TMEM267: variants seen among roughly 807,000 people sequenced by gnomAD.
The protein encoded by TMEM267 is transmembrane protein 267.
TMEM267 carries 20 observed loss-of-function variants against 19.3 expected under a neutral mutation model. The ratio of observed to expected loss-of-function variants is 1.04; its 90% CI spans 0.73 to 1.51. TMEM267 has a LOEUF of 1.51. Ranked by LOEUF, TMEM267 falls within the 40% of genes most tolerant of loss-of-function variation. TMEM267 has a pLI of 0.00. For missense variants in TMEM267, 242 were observed against 261.9 expected (o/e 0.92, Z 0.52); for synonymous variants, 88 against 90.3 (o/e 0.97, Z 0.15).
At position 43,453,921 on chromosome 5, in the gene TMEM267, T is replaced by G. The variant is rs770859448; in HGVS notation, c.49A>C (p.Thr17Pro). 6 of 1,613,906 alleles carry G rather than the reference T, an allele frequency of 3.7e-6. No homozygotes were observed. Among genetic ancestry groups the G allele is most frequent in the Middle Eastern group, 1.6e-4 (1 of 6,084 alleles). ...CCAAGGCTGGAAATAAGAGATTCAGTGCTACAAGTCTGCAGTAAAGCATGG... is the reference window on the plus strand; with the variant it reads ...CCAAGGCTGGAAATAAGAGATTCAGGGCTACAAGTCTGCAGTAAAGCATGG... ...KTHALLQTCS[T>P]ESLISSLGLG... The change falls in exon 2 of 3, where the codon ACT becomes CCT. Residue 17 changes from threonine to proline, a missense_variant. Thr to Pro is a conservative substitution (Grantham distance 38). Transcript: ENST00000397080.
intron 1 of TMEM267, among the ~76,000 whole-genome samples, chr5:43,480,802 T>C (rs1396202905): frequency 7.7e-6 from 1 of 130,148 alleles, no homozygotes; most frequent in East Asian, 2.1e-4. Flanking sequence ...TCTTACTTTT[T>C]TTTTTTTTTT....
rs1478971908 is a variant in TMEM267 at position 43,446,089 on chromosome 5, G to A, written c.*133C>T. 8 of 580,602 alleles carry A rather than the reference G, an allele frequency of 1.4e-5. No homozygotes were observed. The highest frequency in any genetic ancestry group is 2.4e-5 in the Non-Finnish European group (8 of 340,170). The allele number at this position is 580,602 out of a possible 1,614,324, so 36.0% of individuals were successfully genotyped here. On this transcript the variant is annotated 3_prime_UTR_variant, in exon 3 of 3. Coordinates refer to ENST00000397080, the MANE Select transcript of TMEM267 (RefSeq NM_022483.5). ...TAAAAAAGTTGTATACACTTCCTGA[G>A]CAAGAGGATTGCAGAATTATAATAA...
At chr5:43,470,916 GAAGAA>G (rs1744029659) in intron 1 of TMEM267, among the ~76,000 whole-genome samples, 1 of 151,582 alleles carries the variant, frequency 6.6e-6, no homozygotes, top group Admixed American at 6.6e-5. Context: ...AAAATTAGTA[GAAGAA>G]AAGAAATAAT....
intron 2 of TMEM267, among the ~76,000 whole-genome samples, chr5:43,448,657 T>A (rs1353211151): frequency 6.6e-6 from 1 of 151,936 alleles, no homozygotes; most frequent in East Asian, 1.9e-4. Flanking sequence ...ATGCCTGTAA[T>A]CCCAGCTAAT....
At chr5:43,481,619 C>A (rs1198199511) in intron 1 of TMEM267, among the ~76,000 whole-genome samples, 9 of 151,860 alleles carry the variant, frequency 5.9e-5, no homozygotes, top group Non-Finnish European at 1.0e-4. Context: ...GGGTATAATG[C>A]GAATGCATTT....
intron 1 of TMEM267, among the ~76,000 whole-genome samples, chr5:43,471,993 T>G (rs1429198849): frequency 6.6e-6 from 1 of 151,268 alleles, no homozygotes. Context: ...ATCAGTAAAG[T>G]GAAGAAAAAA....
At chr5:43,452,922 G>A (rs1234399626) in intron 2 of TMEM267, among the ~76,000 whole-genome samples, 9 of 152,210 alleles carry the variant, frequency 5.9e-5, no homozygotes, top group Non-Finnish European at 8.8e-5. Context: ...CTTGCTCTAT[G>A]AGTTTAGATT....
intron 1 of TMEM267, among the ~76,000 whole-genome samples, chr5:43,465,247 C>A (rs1468411365): frequency 6.6e-6 from 1 of 152,166 alleles, no homozygotes; most frequent in Admixed American, 6.5e-5. Context: ...CAAATCAAAA[C>A]CACAATGAGA....
At chr5:43,483,801 C>G (rs1308225899) in intron 1 of TMEM267, 21 bp downstream of exon 1, 1 of 152,712 alleles carries the variant, frequency 6.5e-6, no homozygotes, top group African/African-American at 2.4e-5. Flanking sequence ...CAGTCCCACG[C>G]AGCGGCTCAG....
chr5:43,480,918 T>G (rs1349445362), intron 1 of TMEM267, among the ~76,000 whole-genome samples: 1 of 145,702 alleles, frequency 6.9e-6, no homozygotes, highest in Non-Finnish European at 1.5e-5. Flanking sequence ...CTCTCCTGCC[T>G]CTCAGCCTCC....
intron 1 of TMEM267, among the ~76,000 whole-genome samples, chr5:43,458,089 T>C (rs894683245): frequency 6.6e-6 from 1 of 151,944 alleles, no homozygotes; most frequent in African/African-American, 2.4e-5. Context: ...ATTTATTTAA[T>C]TTAAAAAATT....
chr5:43,451,286 CA>C (rs1364470424), intron 2 of TMEM267, among the ~76,000 whole-genome samples: 1 of 152,006 alleles, frequency 6.6e-6, no homozygotes, highest in African/African-American at 2.4e-5. Flanking sequence ...AGAGCTTCTG[CA>C]CAGCAAAGGA....
chr5:43,480,799 T>TTTC (rs1425131229), intron 1 of TMEM267, among the ~76,000 whole-genome samples: 4 of 121,714 alleles, frequency 3.3e-5, no homozygotes, highest in African/African-American at 1.5e-4. Flanking sequence ...TAATCTTACT[T>TTTC]TTTTTTTTTT....
rs368362180 is a variant in TMEM267 at position 43,468,634 on chromosome 5, C to T, written c.-74-14591G>A. ...ACTTCCTGAGGCTGTGTTATGGATGCATCCTCAACCTTGGCAAAATAAACT... is the reference window on the plus strand; with the variant it reads ...ACTTCCTGAGGCTGTGTTATGGATGTATCCTCAACCTTGGCAAAATAAACT... On this transcript the variant is annotated intron_variant, in intron 1 of 2. Coordinates refer to ENST00000397080, the MANE Select transcript of TMEM267 (RefSeq NM_022483.5). Among the ~76,000 whole-genome samples, 29 of 152,318 alleles carry T rather than the reference C, an allele frequency of 1.9e-4. No individual in the cohort carries two copies. In the East Asian group the frequency reaches 3.9e-3, roughly 20 times the overall value.
chr5:43,479,819 T>G, intron 1 of TMEM267: 1 of 412,476 alleles, frequency 2.4e-6, no homozygotes, highest in Middle Eastern at 3.7e-4. Flanking sequence ...TCTTCCAGGA[T>G]CTGGAAATAA....
At chr5:43,465,130 T>A (rs1579810673) in intron 1 of TMEM267, among the ~76,000 whole-genome samples, 2 of 151,998 alleles carry the variant, frequency 1.3e-5, no homozygotes, top group South Asian at 4.2e-4. Context: ...AACAACCCCA[T>A]CCAAAAGTGG....
At chr5:43,450,666 T>C (rs541355031) in intron 2 of TMEM267, among the ~76,000 whole-genome samples, 55 of 152,318 alleles carry the variant, frequency 3.6e-4, no homozygotes, top group Non-Finnish European at 1.5e-5. Context: ...GTTCATATTC[T>C]TAACAATAGT....
chr5:43,483,261 T>G (rs1355011824), intron 1 of TMEM267, among the ~76,000 whole-genome samples: 14 of 152,294 alleles, frequency 9.2e-5, no homozygotes, highest in Admixed American at 2.6e-4. Flanking sequence ...TAAAACAAAA[T>G]TCTGTATTTC....
intron 1 of TMEM267, among the ~76,000 whole-genome samples, chr5:43,466,966 T>G (rs1010095290): frequency 6.6e-6 from 1 of 151,838 alleles, no homozygotes; most frequent in African/African-American, 2.4e-5. Flanking sequence ...CTAGCCAACA[T>G]GATGAAATCC....
Sources: gnomAD v4.1 joint callset for allele counts (sites outside exome capture counted in the v4.1 genomes callset) on GRCh38, gnomAD v4.1.1 for gene constraint, MANE v1.5 for transcripts, NCBI Gene and HGNC (gene_info 2026-07-23, HGNC 2026-07-21) for gene names.